Variants in DIS3L2 observed in about 807,000 individuals in gnomAD.
The protein encoded by DIS3L2 is DIS3 like 3'-5' exoribonuclease 2.
Under a neutral mutation model 97.5 loss-of-function variants are expected in DIS3L2, and 34 were observed. The ratio of observed to expected loss-of-function variants is 0.35; its 90% CI spans 0.27 to 0.46. The LOEUF (loss-of-function observed/expected upper bound fraction) is 0.46, where lower values mean the gene tolerates loss of function less well. Ranked by LOEUF, DIS3L2 falls within the 20% of genes least tolerant of loss-of-function variation. DIS3L2 has a pLI of 1.00. For missense variants in DIS3L2, 1,038 were observed against 1,146.0 expected (o/e 0.91, Z 1.36); for synonymous variants, 435 against 445.2 (o/e 0.98, Z 0.29).
At chr2:232,011,836 A>T (rs896993939) in intron 1 of DIS3L2, among the ~76,000 whole-genome samples, 1 of 150,596 alleles carries the variant, frequency 6.6e-6, no homozygotes, top group Non-Finnish European at 1.5e-5. Context: ...TTTCTAGTAG[A>T]CACCGGGTTT....
chr2:232,209,596 G>T lies in DIS3L2; in HGVS notation c.1125-730G>T, dbSNP rs77791390. On this transcript the variant is annotated intron_variant, in intron 9 of 20. Transcript: ENST00000325385. Reference sequence around the variant, plus strand: ...ATACCCCAATCTCCAGGCAGTCCTCGGGCAGGAAAGGCTGGAGGTATGGAG... The same window carrying T: ...ATACCCCAATCTCCAGGCAGTCCTCTGGCAGGAAAGGCTGGAGGTATGGAG... Among the ~76,000 whole-genome samples the T allele has an allele frequency of 3.0e-3, 461 of 152,204 alleles. 2 individuals carry two copies. The highest frequency in any genetic ancestry group is 6.8e-3 in the Middle Eastern group (2 of 294).
chr2:231,981,212 G>A (rs1240038973), intron 1 of DIS3L2, among the ~76,000 whole-genome samples: 1 of 152,046 alleles, frequency 6.6e-6, no homozygotes, highest in Admixed American at 6.5e-5. Flanking sequence ...CCAAAGATCT[G>A]GGATTATAGG....
chr2:232,280,492 C>T (rs914546755), intron 13 of DIS3L2, among the ~76,000 whole-genome samples: 2 of 152,194 alleles, frequency 1.3e-5, no homozygotes, highest in African/African-American at 4.8e-5. Context: ...ATGTGAACAC[C>T]CATGTCAGTG....
At chr2:232,212,131 A>G (rs565561518) in intron 10 of DIS3L2, among the ~76,000 whole-genome samples, 1 of 152,356 alleles carries the variant, frequency 6.6e-6, no homozygotes, top group South Asian at 2.1e-4. Context: ...AGCCTACTTC[A>G]AAAAGCAAGT....
chr2:232,029,013 G>A (rs571499776), intron 4 of DIS3L2, among the ~76,000 whole-genome samples: 1 of 151,978 alleles, frequency 6.6e-6, no homozygotes, highest in South Asian at 2.1e-4. Context: ...TTTTGATTTG[G>A]TGATTTTGGG....
At chr2:232,299,764 T>C (rs1694810322) in intron 13 of DIS3L2, among the ~76,000 whole-genome samples, 1 of 152,238 alleles carries the variant, frequency 6.6e-6, no homozygotes, top group Non-Finnish European at 1.5e-5. Flanking sequence ...CACTGTTCTT[T>C]CCCTCTCAGC....
chr2:231,993,785 T>C (rs1693647565), intron 1 of DIS3L2, among the ~76,000 whole-genome samples: 1 of 151,854 alleles, frequency 6.6e-6, no homozygotes, highest in Non-Finnish European at 1.5e-5. Flanking sequence ...TTTTTGGTCT[T>C]CTTAGAAGAG....
At chr2:231,978,506 G>A (rs1430651873) in intron 1 of DIS3L2, 1 of 152,200 alleles carries the variant, frequency 6.6e-6, no homozygotes, top group Non-Finnish European at 1.5e-5. Flanking sequence ...AGACGTATAA[G>A]TTTATTTTGT....
chr2:231,976,115 C>G (rs1378038366), intron 1 of DIS3L2, among the ~76,000 whole-genome samples: 1 of 152,080 alleles, frequency 6.6e-6, no homozygotes, highest in Non-Finnish European at 1.5e-5. Context: ...TTTAGGGGTA[C>G]AAGAGGCTTT....
chr2:232,057,039 G>A (rs1222763483), intron 5 of DIS3L2, among the ~76,000 whole-genome samples: 2 of 152,152 alleles, frequency 1.3e-5, no homozygotes, highest in African/African-American at 4.8e-5. Flanking sequence ...TAGAATGGAT[G>A]TATTGTGGTA....
intron 8 of DIS3L2, among the ~76,000 whole-genome samples, chr2:232,155,849 G>C (rs891158884): frequency 1.1e-4 from 17 of 152,266 alleles, no homozygotes; most frequent in African/African-American, 3.6e-4. Flanking sequence ...AATTAGCCAG[G>C]TGTTGTGGCG....
intron 5 of DIS3L2, among the ~76,000 whole-genome samples, chr2:232,062,815 A>G (rs1359214155): frequency 2.0e-5 from 3 of 150,862 alleles, no homozygotes; most frequent in South Asian, 2.1e-4. Flanking sequence ...TGCCTTACCT[A>G]TCTTACCTAC....
chr2:232,120,019 C>T (rs79427922), intron 6 of DIS3L2, among the ~76,000 whole-genome samples: 2,809 of 152,058 alleles, frequency 0.018, 85 homozygotes, highest in African/African-American at 0.063. Flanking sequence ...TTTTTCCCCC[C>T]AGTCTCTGCC....
intron 6 of DIS3L2, among the ~76,000 whole-genome samples, chr2:232,114,234 C>T (rs1697631628): frequency 7.5e-6 from 1 of 134,190 alleles, no homozygotes; most frequent in Middle Eastern, 3.6e-3. Context: ...ACCCCAAAGA[C>T]TAGAGATGCT....
chr2:231,971,806 C>T (rs1318575959), intron 1 of DIS3L2, among the ~76,000 whole-genome samples: 1 of 149,394 alleles, frequency 6.7e-6, no homozygotes, highest in Non-Finnish European at 1.5e-5. Context: ...TGGTCTCAAA[C>T]TCCAGACCTC....
At chr2:232,189,514 A>C (rs1691552629) in intron 9 of DIS3L2, among the ~76,000 whole-genome samples, 1 of 152,244 alleles carries the variant, frequency 6.6e-6, no homozygotes, top group Non-Finnish European at 1.5e-5. Context: ...AAGTCAGCTG[A>C]GTTTAAGATT....
intron 1 of DIS3L2, among the ~76,000 whole-genome samples, chr2:232,010,722 G>A (rs1342795947): frequency 1.3e-5 from 2 of 152,120 alleles, no homozygotes; most frequent in African/African-American, 4.8e-5. Context: ...GATGCATAAG[G>A]CACAAAAATT....
rs533363047 is a variant in DIS3L2, at chr2:232,281,348, G to A, written c.1659+17908G>A. On this transcript the variant is annotated intron_variant, in intron 13 of 20. Coordinates refer to ENST00000325385, the MANE Select transcript of DIS3L2 (RefSeq NM_152383.5). This position sits in a 1 kb window ranked among gnomAD's most constrained non-coding sequence, Gnocchi z 4.1. The stretch of plus-strand genomic sequence containing the variant: ...CGGGAGGCGGAGCTTGCAGTGAGCC[G>A]AGATGGCGCCACTGCACTTCAGCCT... Among the ~76,000 whole-genome samples the A allele has an allele frequency of 4.6e-5, 7 of 152,348 alleles. No homozygotes were observed. The highest frequency in any genetic ancestry group is 7.2e-5 in the African/African-American group (3 of 41,584).
At chr2:232,125,141 C>T (rs1698021781) in intron 6 of DIS3L2, among the ~76,000 whole-genome samples, 1 of 152,240 alleles carries the variant, frequency 6.6e-6, no homozygotes, top group East Asian at 1.9e-4. Flanking sequence ...ATTTCCTACT[C>T]AGCCTTTCCA....
Sources: gnomAD v4.1 joint callset for allele counts (sites outside exome capture counted in the v4.1 genomes callset) on GRCh38, gnomAD v4.1.1 for gene constraint, Gnocchi (gnomAD v3.1) non-coding constraint, MANE v1.5 for transcripts, NCBI Gene and HGNC (gene_info 2026-07-23, HGNC 2026-07-21) for gene names.